Variants in CTDSPL2 observed in about 807,000 individuals in gnomAD.
The protein encoded by CTDSPL2 is CTD small phosphatase-like protein 2.
CTDSPL2 carries 5 observed loss-of-function variants against 60.0 expected under a neutral mutation model. The observed-to-expected ratio is 0.08, with a 90% CI of 0.04 to 0.18. CTDSPL2 has a LOEUF of 0.18. CTDSPL2 is among the 10% of genes least tolerant of loss of function. CTDSPL2 has a pLI of 1.00. For missense variants in CTDSPL2, 370 were observed against 548.8 expected, an observed-to-expected ratio of 0.67 and a Z score of 3.26; for synonymous variants, 186 against 189.3, an observed-to-expected ratio of 0.98 and a Z score of 0.14.
chr15:44,442,256 G>T (rs1302114040), intron 1 of CTDSPL2, among the ~76,000 whole-genome samples: 1 of 152,158 alleles, frequency 6.6e-6, no homozygotes, highest in African/African-American at 2.4e-5. Context: ...TTCGAGACCA[G>T]CATGGCCAAC....
intron 2 of CTDSPL2, among the ~76,000 whole-genome samples, chr15:44,476,668 T>C (rs1218044044): frequency 6.6e-6 from 1 of 152,186 alleles, no homozygotes; most frequent in African/African-American, 2.4e-5. Context: ...TTCAGTATAG[T>C]AGTTTGCCGA....
intron 1 of CTDSPL2, among the ~76,000 whole-genome samples, chr15:44,442,704 GGT>G (rs1391593789): frequency 2.6e-5 from 4 of 151,960 alleles, no homozygotes; most frequent in African/African-American, 9.7e-5. Context: ...GGCCAGGCAT[GGT>G]AGCTCACGCC....
At chr15:44,434,128 G>A (rs945732936) in intron 1 of CTDSPL2, among the ~76,000 whole-genome samples, 4 of 151,740 alleles carry the variant, frequency 2.6e-5, no homozygotes, top group African/African-American at 4.8e-5. Flanking sequence ...TTGACTGGGC[G>A]TGGTGGCTCA....
chr15:44,428,499 TTTAC>T (rs1292335809), intron 1 of CTDSPL2, among the ~76,000 whole-genome samples: 6 of 152,354 alleles, frequency 3.9e-5, no homozygotes, highest in African/African-American at 1.4e-4. Flanking sequence ...ATCTTGTTTA[TTTAC>T]TTCTCACCCT....
At chr15:44,483,494 C>T (rs2081066959) in intron 2 of CTDSPL2, among the ~76,000 whole-genome samples, 1 of 151,568 alleles carries the variant, frequency 6.6e-6, no homozygotes, top group Non-Finnish European at 1.5e-5. Context: ...GCCAAGATCA[C>T]ACCACTGCAC....
intron 1 of CTDSPL2, among the ~76,000 whole-genome samples, chr15:44,434,067 C>CGTT (rs2079920551): frequency 6.7e-6 from 1 of 150,090 alleles, no homozygotes; most frequent in African/African-American, 2.5e-5. Flanking sequence ...TTAGAAAAAT[C>CGTT]ATTGTTATTT....
intron 1 of CTDSPL2, among the ~76,000 whole-genome samples, chr15:44,444,426 C>T (rs1478788219): frequency 2.6e-5 from 4 of 151,174 alleles, no homozygotes; most frequent in African/African-American, 9.7e-5. Flanking sequence ...CTCACTGCAA[C>T]CTCTGCCTCC....
At chr15:44,514,571 C>T (rs1337774806) in intron 8 of CTDSPL2, 27 bp from the exon 9 acceptor site, 7 of 1,431,988 alleles carry the variant, frequency 4.9e-6, no homozygotes, top group Non-Finnish European at 6.9e-6. Flanking sequence ...TGTTTATTTG[C>T]TGAAACTTAT....
At position 44,455,481 on chromosome 15, in the gene CTDSPL2, G is replaced by A. The variant is rs192325696; in HGVS notation, c.-24-3510G>A. ...TGTTGAATAGGAGTGGTGAGAGAGG[G>A]CATCCCTGTCTTGTGCCAGTTTTCA... is the stretch of plus-strand genomic sequence containing the variant. On this transcript the variant is annotated intron_variant, in intron 1 of 12. Coordinates refer to ENST00000260327, the MANE Select transcript of CTDSPL2 (RefSeq NM_016396.3). Among the ~76,000 whole-genome samples the A allele has an allele frequency of 2.5e-3, 377 of 152,252 alleles. 2 individuals are homozygous for A. The highest frequency in any genetic ancestry group is 8.6e-3 in the African/African-American group (358 of 41,536).
chr15:44,453,345 A>G (rs1010403590), intron 1 of CTDSPL2, among the ~76,000 whole-genome samples: 1 of 152,098 alleles, frequency 6.6e-6, no homozygotes, highest in East Asian at 1.9e-4. Flanking sequence ...TATTTTTAAT[A>G]TGAAAGGGTG....
chr15:44,513,808 A>C (rs1011613909), intron 8 of CTDSPL2, among the ~76,000 whole-genome samples: 1 of 152,252 alleles, frequency 6.6e-6, no homozygotes, highest in Non-Finnish European at 1.5e-5. Context: ...TCAGAATGTA[A>C]ATAGTTTTAA....
At chr15:44,449,197 C>T (rs1353779927) in intron 1 of CTDSPL2, 7 of 287,320 alleles carry the variant, frequency 2.4e-5, no homozygotes, top group Non-Finnish European at 5.0e-5. Context: ...GTAGCCATCA[C>T]GTTTTGCATT....
intron 1 of CTDSPL2, among the ~76,000 whole-genome samples, chr15:44,452,032 T>C (rs1040625187): frequency 6.6e-6 from 1 of 152,190 alleles, no homozygotes; most frequent in Non-Finnish European, 1.5e-5. Flanking sequence ...CTGAAATTTA[T>C]GTGGTTATTT....
chr15:44,448,800 C>T, intron 1 of CTDSPL2: 1 of 354,740 alleles, frequency 2.8e-6, no homozygotes, highest in Admixed American at 4.0e-5. Flanking sequence ...GCTGCGGACG[C>T]TTAGGAGGGA....
chr15:44,497,543 T>C (rs925460845), intron 7 of CTDSPL2, among the ~76,000 whole-genome samples: 2 of 152,078 alleles, frequency 1.3e-5, no homozygotes, highest in Admixed American at 1.3e-4. Flanking sequence ...TTTTTTGTTG[T>C]GTATTTTTTG....
At position 44,467,009 on chromosome 15, in the gene CTDSPL2, G is replaced by A. The variant is rs568232693; in HGVS notation, c.186+7809G>A. On this transcript the variant is annotated intron_variant, in intron 2 of 12. Transcript: ENST00000260327. Reference sequence around the variant, plus strand: ...ATGGGCAGTTGTAACACAATGTTAAGTATTTATGTTTCTCAGCATAGCTAA... The same window carrying A: ...ATGGGCAGTTGTAACACAATGTTAAATATTTATGTTTCTCAGCATAGCTAA... 3.1e-4 allele frequency among the ~76,000 whole-genome samples: 47 copies of A among 152,294 alleles called. 1 individual carries two copies. In the South Asian group the frequency reaches 9.3e-3, roughly 30 times the overall value.
chr15:44,510,790 G>A (rs1040174529), intron 8 of CTDSPL2, among the ~76,000 whole-genome samples: 11 of 152,192 alleles, frequency 7.2e-5, no homozygotes, highest in African/African-American at 2.4e-4. Flanking sequence ...GTGTGCATCT[G>A]TCTGTTTTTG....
At chr15:44,459,417 C>T (rs1288339911) in intron 2 of CTDSPL2, among the ~76,000 whole-genome samples, 4 of 152,090 alleles carry the variant, frequency 2.6e-5, no homozygotes, top group East Asian at 3.9e-4. Context: ...GTCCCAGCTA[C>T]TCGGGAGGCT....
intron 4 of CTDSPL2, among the ~76,000 whole-genome samples, chr15:44,488,508 A>G (rs1292613158): frequency 6.6e-6 from 1 of 152,130 alleles, no homozygotes; most frequent in Non-Finnish European, 1.5e-5. Context: ...GATGCCATGA[A>G]ATATTTAAAT....
Sources: gnomAD v4.1 joint callset for allele counts (sites outside exome capture counted in the v4.1 genomes callset) on GRCh38, gnomAD v4.1.1 for gene constraint, MANE v1.5 for transcripts, NCBI Gene and HGNC (gene_info 2026-07-23, HGNC 2026-07-21) for gene names.